GALNT13: variants seen among roughly 807,000 people sequenced by gnomAD.
GALNT13 encodes polypeptide N-acetylgalactosaminyltransferase 13.
A neutral mutation model predicts 64.2 loss-of-function variants in GALNT13; 28 were observed. That is an observed-to-expected ratio of 0.44 (90% confidence interval 0.32 to 0.60). The LOEUF is 0.60. Ranked by LOEUF, GALNT13 falls within the 20% of genes least tolerant of loss-of-function variation. The pLI is 0.05. For synonymous variants in GALNT13, 214 were observed against 224.6 expected (o/e 0.95, Z 0.42); for missense variants, 577 against 669.8 (o/e 0.86, Z 1.53).
chr2:153,357,500 G>C, the GALNT13 span: 1 of 152,158 alleles, frequency 6.6e-6, no homozygotes, highest in South Asian at 2.1e-4. Context: ...ACTTGCCTGT[G>C]TACTAAGTAA....
chr2:154,358,356 A>T (rs1308589018), intron 9 of GALNT13, among the ~76,000 whole-genome samples: 3 of 152,108 alleles, frequency 2.0e-5, no homozygotes, highest in African/African-American at 7.2e-5. Flanking sequence ...TCACTAAATG[A>T]ACTCAGATTT....
chr2:153,292,763 G>C, the GALNT13 span, among the ~76,000 whole-genome samples: 1,382 of 152,140 alleles, frequency 9.1e-3, 6 homozygotes, highest in Non-Finnish European at 0.015. Context: ...ATATTTAGAA[G>C]GTAGTATTAA....
the GALNT13 span, among the ~76,000 whole-genome samples, chr2:153,157,767 A>G: frequency 6.6e-6 from 1 of 152,174 alleles, no homozygotes; most frequent in Non-Finnish European, 1.5e-5. Context: ...TAGGAATTAC[A>G]TATTTTCAAA....
chr2:154,000,165 A>G (rs900852585), intron 3 of GALNT13, among the ~76,000 whole-genome samples: 4 of 151,366 alleles, frequency 2.6e-5, no homozygotes, highest in African/African-American at 7.3e-5. Context: ...TGTATTGGTT[A>G]TAGTACCTTC....
At chr2:153,831,092 A>C in the GALNT13 span, among the ~76,000 whole-genome samples, 1 of 152,212 alleles carries the variant, frequency 6.6e-6, no homozygotes, top group African/African-American at 2.4e-5. Flanking sequence ...ATTAATTTAC[A>C]ATACAATCAT....
At chr2:153,675,408 G>T in the GALNT13 span, among the ~76,000 whole-genome samples, 3 of 152,138 alleles carry the variant, frequency 2.0e-5, no homozygotes, top group Non-Finnish European at 4.4e-5. Flanking sequence ...CATGAATGAA[G>T]CTGGAAACCA....
intron 12 of GALNT13, among the ~76,000 whole-genome samples, chr2:154,447,113 G>GA (rs1050732804): frequency 1.3e-3 from 191 of 151,742 alleles, no homozygotes; most frequent in African/African-American, 4.5e-3. Flanking sequence ...CATCAGATCT[G>GA]AAAAAAATCG....
chr2:153,688,618 GTCTAAAAT>G, the GALNT13 span, among the ~76,000 whole-genome samples: 1 of 151,858 alleles, frequency 6.6e-6, no homozygotes, highest in South Asian at 2.1e-4. Context: ...CCAAAGGTAG[GTCTAAAAT>G]TCTAAAATTC....
chr2:154,036,688 T>G (rs746929910), intron 3 of GALNT13, among the ~76,000 whole-genome samples: 1 of 152,156 alleles, frequency 6.6e-6, no homozygotes, highest in Non-Finnish European at 1.5e-5. Flanking sequence ...TACACCATCA[T>G]GCATTGTTAC....
At chr2:154,400,867 GA>G (rs1699270121) in intron 10 of GALNT13, among the ~76,000 whole-genome samples, 1 of 151,862 alleles carries the variant, frequency 6.6e-6, no homozygotes. Flanking sequence ...GTGTAAGATT[GA>G]AAGAAATGGC....
chr2:153,657,733 A>T, the GALNT13 span, among the ~76,000 whole-genome samples: 1 of 152,132 alleles, frequency 6.6e-6, no homozygotes, highest in Non-Finnish European at 1.5e-5. Flanking sequence ...CTTCTTTTTA[A>T]ATCTCCAATT....
intron 4 of GALNT13, among the ~76,000 whole-genome samples, chr2:154,213,061 A>T (rs986317061): frequency 2.6e-5 from 4 of 152,134 alleles, no homozygotes; most frequent in African/African-American, 9.7e-5. Context: ...TGCCTTAAAG[A>T]TGAAGTATGA....
chr2:153,367,851 A>T, the GALNT13 span, among the ~76,000 whole-genome samples: 1 of 152,166 alleles, frequency 6.6e-6, no homozygotes, highest in African/African-American at 2.4e-5. Flanking sequence ...AAAAGGAATC[A>T]TTAAAAATTC....
intron 4 of GALNT13, among the ~76,000 whole-genome samples, chr2:154,212,737 G>T (rs1687847273): frequency 6.6e-6 from 1 of 150,720 alleles, no homozygotes; most frequent in Non-Finnish European, 1.5e-5. Context: ...TCCTTCTAAG[G>T]CAATGGATAC....
chr2:153,794,476 T>C, the GALNT13 span, among the ~76,000 whole-genome samples: 1 of 151,886 alleles, frequency 6.6e-6, no homozygotes, highest in Non-Finnish European at 1.5e-5. Context: ...AACCAATGAG[T>C]GTTGGCTTAT....
chr2:154,004,287 C>T (rs1472643064), intron 3 of GALNT13, among the ~76,000 whole-genome samples: 1 of 151,914 alleles, frequency 6.6e-6, no homozygotes, highest in Non-Finnish European at 1.5e-5. Context: ...CTCACTGCAA[C>T]CTCCACCTCC....
chr2:153,699,190 C>T, the GALNT13 span, among the ~76,000 whole-genome samples: 1 of 152,074 alleles, frequency 6.6e-6, no homozygotes, highest in East Asian at 1.9e-4. Context: ...GAAATTCACT[C>T]AAAAATACAC....
chr2:153,653,110 T>C, the GALNT13 span, among the ~76,000 whole-genome samples: 8 of 152,274 alleles, frequency 5.3e-5, no homozygotes, highest in East Asian at 1.5e-3. Flanking sequence ...TCAGGTAATT[T>C]GAGTTCCAAA....
chr2:153,405,152 T>A, the GALNT13 span, among the ~76,000 whole-genome samples: 1 of 152,240 alleles, frequency 6.6e-6, no homozygotes, highest in African/African-American at 2.4e-5. Flanking sequence ...CCCATAAGTT[T>A]TATATATAAA....
Sources: allele counts gnomAD v4.1 joint callset (sites outside exome capture counted in the v4.1 genomes callset), GRCh38; gene constraint gnomAD v4.1.1; transcripts MANE v1.5; gene names NCBI Gene and HGNC (gene_info 2026-07-23, HGNC 2026-07-21).